E2F6: variants seen among roughly 807,000 people sequenced by gnomAD.
The protein encoded by E2F6 is E2F transcription factor 6.
In E2F6, 19 loss-of-function variants were observed where a neutral mutation model predicts 31.5. The observed-to-expected ratio is 0.60, with a 90% CI of 0.42 to 0.89. E2F6 has a LOEUF of 0.89. E2F6 is among the 40% of genes least tolerant of loss of function. The pLI is 0.00. For missense variants in E2F6, 269 were observed against 341.6 expected, an observed-to-expected ratio of 0.79 and a Z score of 1.67; for synonymous variants, 121 against 127.7, an observed-to-expected ratio of 0.95 and a Z score of 0.36.
intron 1 of E2F6, among the ~76,000 whole-genome samples, chr2:11,464,131 C>T (rs989930563): frequency 1.3e-5 from 2 of 151,884 alleles, no homozygotes; most frequent in Non-Finnish European, 2.9e-5. Flanking sequence ...ACGAGCTTGT[C>T]GGTGACCTTG....
intron 1 of E2F6, among the ~76,000 whole-genome samples, chr2:11,464,999 C>T (rs1192738905): frequency 1.3e-5 from 2 of 151,436 alleles, no homozygotes; most frequent in East Asian, 1.9e-4. Flanking sequence ...GCCAACACGG[C>T]GAAATCCCGT....
intron 6 of E2F6, among the ~76,000 whole-genome samples, chr2:11,446,815 C>T (rs1047718191): frequency 2.6e-5 from 4 of 152,218 alleles, no homozygotes; most frequent in African/African-American, 4.8e-5. Flanking sequence ...CCCCAGTCTT[C>T]GTAATCCTTG....
At chr2:11,458,074 A>T (rs1177570783) in intron 1 of E2F6, among the ~76,000 whole-genome samples, 2 of 152,234 alleles carry the variant, frequency 1.3e-5, no homozygotes, top group Non-Finnish European at 2.9e-5. Context: ...AATAAATAAA[A>T]TGAAACCAAA....
At chr2:11,448,987 A>C (rs1353043662) in intron 5 of E2F6, among the ~76,000 whole-genome samples, 1 of 152,232 alleles carries the variant, frequency 6.6e-6, no homozygotes, top group Non-Finnish European at 1.5e-5. Flanking sequence ...CCATGTGCAG[A>C]GACTTTAAAT....
intron 1 of E2F6, among the ~76,000 whole-genome samples, chr2:11,464,912 G>A (rs1466923852): frequency 6.6e-6 from 1 of 152,130 alleles, no homozygotes; most frequent in East Asian, 1.9e-4. Context: ...AAAGAAAGCA[G>A]CAGAGAAATT....
chr2:11,457,046 C>A, intron 2 of E2F6, 133 bp downstream of exon 2: 1 of 715,592 alleles, frequency 1.4e-6, no homozygotes, highest in Non-Finnish European at 2.4e-6. Context: ...CTAAAACTTG[C>A]AACTTTACAT....
intron 3 of E2F6, among the ~76,000 whole-genome samples, chr2:11,452,740 T>C (rs1671150774): frequency 1.3e-5 from 2 of 152,260 alleles, no homozygotes; most frequent in Admixed American, 6.5e-5. Flanking sequence ...TCCTTGCCTT[T>C]ATCTTTTACT....
At chr2:11,449,807 C>T (rs1198946619) in intron 5 of E2F6, among the ~76,000 whole-genome samples, 4 of 152,184 alleles carry the variant, frequency 2.6e-5, no homozygotes, top group Non-Finnish European at 5.9e-5. Flanking sequence ...TCTTTGTGAG[C>T]TTTTGGTTCC....
chr2:11,457,234 C>A lies in E2F6; in HGVS notation c.109-1G>T, dbSNP rs756736576. ...CTAAATTAATCCTTATTTTTGATGG[C>A]TGAAAAAAAAGATAAAAAATTTAAC... On this transcript the variant is annotated splice_acceptor_variant, in intron 1 of 6. Coordinates refer to ENST00000381525, the MANE Select transcript of E2F6 (RefSeq NM_198256.4). LOFTEE classifies it high-confidence loss of function. 6.5e-7 allele frequency: 1 copy of A among 1,529,586 alleles called. No homozygotes were observed. Among genetic ancestry groups the A allele is most frequent in the Non-Finnish European group, 9.0e-7 (1 of 1,108,726 alleles). The allele number at this position is 1,529,586 out of a possible 1,614,324, so 94.8% of individuals were successfully genotyped here.
At chr2:11,456,979 T>C (rs536910317) in intron 2 of E2F6, 200 bp downstream of exon 2, 3 of 552,916 alleles carry the variant, frequency 5.4e-6, no homozygotes, top group African/African-American at 1.9e-5. Flanking sequence ...GACTGTTCTA[T>C]GGAGAATAAA....
chr2:11,465,176 C>T (rs549678237), intron 1 of E2F6, among the ~76,000 whole-genome samples: 63 of 27,640 alleles, frequency 2.3e-3, no homozygotes, highest in Admixed American at 0.018. Context: ...AAAACTCAAT[C>T]TCAAAAAAAA....
At chr2:11,450,812 T>C (rs189564888) in intron 4 of E2F6, among the ~76,000 whole-genome samples, 1 of 152,106 alleles carries the variant, frequency 6.6e-6, no homozygotes, top group African/African-American at 2.4e-5. Context: ...GTACCTGTAC[T>C]GTGGGAATAG....
chr2:11,465,133 G>A (rs1672063547), intron 1 of E2F6, among the ~76,000 whole-genome samples: 1 of 141,058 alleles, frequency 7.1e-6, no homozygotes, highest in African/African-American at 2.7e-5. Flanking sequence ...AGCTGAGATT[G>A]CGCCATTGCA....
chr2:11,459,182 G>T (rs1361837974), intron 1 of E2F6, among the ~76,000 whole-genome samples: 1 of 152,020 alleles, frequency 6.6e-6, no homozygotes, highest in African/African-American at 2.4e-5. Flanking sequence ...GCTCAGAGGG[G>T]CCTTGCTGCA....
chr2:11,451,404 G>T, intron 4 of E2F6: 1 of 227,436 alleles, frequency 4.4e-6, no homozygotes, highest in Non-Finnish European at 8.2e-6. Flanking sequence ...AGACTGGAGT[G>T]CAATGGCGCC....
rs1477689287 is a variant in E2F6 at position 11,454,748 on chromosome 2, G to A, written c.164-950C>T. Among the ~76,000 whole-genome samples, 7 of 151,478 alleles carry A rather than the reference G, an allele frequency of 4.6e-5. No homozygotes were observed. The East Asian group carries it at 9.7e-4, about 21-fold the overall frequency. On this transcript the variant is annotated intron_variant, in intron 2 of 6. Coordinates refer to ENST00000381525, the MANE Select transcript of E2F6 (RefSeq NM_198256.4). ...AATTCCCTCACTCACCTACTATAAT[G>A]ACTGGGGTTTTCATACACACACACA...
chr2:11,453,985 T>C (rs1671235728), intron 2 of E2F6, among the ~76,000 whole-genome samples, 187 bp from the exon 3 acceptor site: 1 of 152,220 alleles, frequency 6.6e-6, no homozygotes, highest in African/African-American at 2.4e-5. Context: ...TGGCCTATCC[T>C]GGCTCTAAAC....
At chr2:11,460,495 T>C (rs1014187647) in intron 1 of E2F6, among the ~76,000 whole-genome samples, 2 of 152,208 alleles carry the variant, frequency 1.3e-5, no homozygotes, top group South Asian at 2.1e-4. Context: ...TGCTATGGAC[T>C]TGGACTGAGC....
At chr2:11,463,376 T>C (rs762697005) in intron 1 of E2F6, among the ~76,000 whole-genome samples, 2 of 152,186 alleles carry the variant, frequency 1.3e-5, no homozygotes, top group Non-Finnish European at 2.9e-5. Flanking sequence ...CTTAATAACA[T>C]TTTCTTTTCT....
Sources: allele counts gnomAD v4.1 joint callset (sites outside exome capture counted in the v4.1 genomes callset), GRCh38; gene constraint gnomAD v4.1.1; transcripts MANE v1.5; gene names NCBI Gene and HGNC (gene_info 2026-07-23, HGNC 2026-07-21).